Variants in NEBL observed in about 807,000 individuals in gnomAD.
NEBL encodes nebulette.
In NEBL, 122 loss-of-function variants were observed where a neutral mutation model predicts 140.2. That is an observed-to-expected ratio of 0.87 (90% CI 0.75 to 1.01). The LOEUF (loss-of-function observed/expected upper bound fraction) is 1.01. NEBL is among the 50% of genes least tolerant of loss of function. The probability of loss-of-function intolerance (pLI) is 0.00; values close to 1 mark genes in which losing one functional copy is unlikely to be tolerated. For missense variants in NEBL, 1,365 were observed against 1,231.3 expected (o/e 1.11, Z -1.62); for synonymous variants, 436 against 398.9 (o/e 1.09, Z -1.11).
chr10:21,289,559 C>G (rs577108358), intron 1 of NEBL, among the ~76,000 whole-genome samples: 1 of 152,236 alleles, frequency 6.6e-6, no homozygotes, highest in Non-Finnish European at 1.5e-5. Context: ...TGGTGTAATG[C>G]CCCCTTTCTC....
At chr10:20,792,635 C>G (rs1403740368) in intron 26 of NEBL, among the ~76,000 whole-genome samples, 2 of 152,026 alleles carry the variant, frequency 1.3e-5, no homozygotes, top group Non-Finnish European at 2.9e-5. Context: ...AACCCCAACT[C>G]TACTAAAATT....
At chr10:20,964,921 C>G (rs940820747) in intron 3 of NEBL, among the ~76,000 whole-genome samples, 8 of 152,202 alleles carry the variant, frequency 5.3e-5, no homozygotes, top group Admixed American at 4.6e-4. Flanking sequence ...CAAAAGAATT[C>G]TGATGAACAT....
chr10:21,203,570 A>T (rs1171233440), intron 3 of NEBL, among the ~76,000 whole-genome samples: 1 of 152,218 alleles, frequency 6.6e-6, no homozygotes, highest in Non-Finnish European at 1.5e-5. Context: ...GGAATAGACG[A>T]GTGGGGCCGA....
chr10:21,153,496 AT>A (rs928564107), intron 2 of NEBL, among the ~76,000 whole-genome samples: 1 of 151,218 alleles, frequency 6.6e-6, no homozygotes, highest in African/African-American at 2.4e-5. Context: ...CACCTGGCTA[AT>A]TTTTTATATA....
intron 2 of NEBL, chr10:21,029,558 A>T: frequency 6.2e-7 from 1 of 1,604,098 alleles, no homozygotes; most frequent in South Asian, 1.1e-5. Flanking sequence ...TTTGGCCGTG[A>T]TAGAAATCGG....
chr10:21,043,632 G>A (rs1418517561), intron 2 of NEBL, among the ~76,000 whole-genome samples: 4 of 152,032 alleles, frequency 2.6e-5, no homozygotes, highest in South Asian at 2.1e-4. Flanking sequence ...CTGCAGATGG[G>A]AATATTTTAA....
intron 2 of NEBL, among the ~76,000 whole-genome samples, chr10:21,164,097 C>G (rs936519187): frequency 6.6e-6 from 1 of 152,186 alleles, no homozygotes. Flanking sequence ...AAATAGCCAA[C>G]CTGAGCATGG....
At chr10:21,051,412 T>C (rs1165264015) in intron 2 of NEBL, among the ~76,000 whole-genome samples, 1 of 152,194 alleles carries the variant, frequency 6.6e-6, no homozygotes, top group Non-Finnish European at 1.5e-5. Flanking sequence ...TTGTATGTGG[T>C]TGAAGTTAGG....
intron 2 of NEBL, among the ~76,000 whole-genome samples, chr10:21,023,868 T>C (rs1838908580): frequency 6.6e-6 from 1 of 152,164 alleles, no homozygotes; most frequent in Non-Finnish European, 1.5e-5. Flanking sequence ...TCTATTTGGA[T>C]AGTAATGAAC....
At chr10:21,183,214 G>A (rs1394742561) in intron 3 of NEBL, among the ~76,000 whole-genome samples, 1 of 152,198 alleles carries the variant, frequency 6.6e-6, no homozygotes, top group Non-Finnish European at 1.5e-5. Context: ...GAACGAGAGA[G>A]AAATAGCAGA....
chr10:21,137,034 A>G (rs1839386790), intron 2 of NEBL, among the ~76,000 whole-genome samples: 1 of 152,142 alleles, frequency 6.6e-6, no homozygotes, highest in Non-Finnish European at 1.5e-5. Flanking sequence ...GAAAAATCCC[A>G]CTAAGTTAGT....
At chr10:20,962,389 T>A (rs1242294271) in intron 3 of NEBL, among the ~76,000 whole-genome samples, 2 of 152,252 alleles carry the variant, frequency 1.3e-5, no homozygotes, top group Non-Finnish European at 2.9e-5. Context: ...AGTACATAAA[T>A]GCTTATGAAA....
chr10:21,279,901 C>T (rs982608941), intron 1 of NEBL, among the ~76,000 whole-genome samples: 2 of 152,080 alleles, frequency 1.3e-5, no homozygotes, highest in African/African-American at 2.4e-5. Context: ...TTGAGCTTTG[C>T]AAGAGTTATA....
intron 2 of NEBL, among the ~76,000 whole-genome samples, chr10:21,061,135 C>A (rs1835255841): frequency 6.6e-6 from 1 of 151,388 alleles, no homozygotes; most frequent in African/African-American, 2.4e-5. Context: ...GGGAGCATGT[C>A]CCCTTTTTTA....
intron 4 of NEBL, among the ~76,000 whole-genome samples, chr10:20,881,721 A>G (rs1846028534): frequency 6.6e-6 from 1 of 152,254 alleles, no homozygotes; most frequent in Non-Finnish European, 1.5e-5. Flanking sequence ...CAGAACCCAG[A>G]ATAGTGCCTG....
At chr10:20,852,914 C>A (rs914048289) in intron 9 of NEBL, among the ~76,000 whole-genome samples, 1 of 152,192 alleles carries the variant, frequency 6.6e-6, no homozygotes, top group Non-Finnish European at 1.5e-5. Flanking sequence ...AGGATATTCA[C>A]AACACCAGCG....
chr10:21,184,809 G>GA (rs1841439632), intron 3 of NEBL, among the ~76,000 whole-genome samples: 1 of 152,200 alleles, frequency 6.6e-6, no homozygotes, highest in South Asian at 2.1e-4. Context: ...ATTTGTTCGT[G>GA]ATGATATCAT....
chr10:20,912,150 T>A (rs1009648552), intron 4 of NEBL, among the ~76,000 whole-genome samples: 6 of 152,218 alleles, frequency 3.9e-5, no homozygotes, highest in Non-Finnish European at 7.3e-5. Context: ...AAATGACTTT[T>A]AAAAATAAAC....
chr10:20,870,134 C>T (rs907227998), intron 5 of NEBL, among the ~76,000 whole-genome samples: 9 of 151,898 alleles, frequency 5.9e-5, no homozygotes, highest in African/African-American at 2.2e-4. Context: ...CGAGACCAGC[C>T]TGGCCAACAT....
Sources: gnomAD v4.1 joint callset for allele counts (sites outside exome capture counted in the v4.1 genomes callset) on GRCh38, gnomAD v4.1.1 for gene constraint, MANE v1.5 for transcripts, NCBI Gene and HGNC (gene_info 2026-07-23, HGNC 2026-07-21) for gene names.